The following EGFR variants were observed in gnomAD, a reference collection of about 807,000 sequenced individuals.
EGFR encodes epidermal growth factor receptor.
A neutral mutation model predicts 143.0 loss-of-function variants in EGFR; 58 were observed. That is an observed-to-expected ratio of 0.41 (90% confidence interval 0.33 to 0.50). The LOEUF is 0.50. Ranked by LOEUF, EGFR falls within the 20% of genes least tolerant of loss-of-function variation. EGFR has a pLI of 0.39. For synonymous variants in EGFR, 613 were observed against 594.4 expected, an observed-to-expected ratio of 1.03 and a Z score of -0.45; for missense variants, 1,307 against 1,579.0, an observed-to-expected ratio of 0.83 and a Z score of 2.92.
chr7:55,138,023 T>C (rs1296740128), intron 1 of EGFR, among the ~76,000 whole-genome samples: 1 of 152,222 alleles, frequency 6.6e-6, no homozygotes, highest in Admixed American at 6.5e-5. Context: ...TGGTTAGTGA[T>C]ATACCAATGT....
At chr7:55,203,418 C>A (rs1787951479) in intron 27 of EGFR, among the ~76,000 whole-genome samples, 1 of 100,586 alleles carries the variant, frequency 9.9e-6, no homozygotes, top group Non-Finnish European at 2.0e-5. Context: ...GTACACACAA[C>A]ACACAACACA....
intron 1 of EGFR, among the ~76,000 whole-genome samples, chr7:55,051,415 A>C (rs1055560925): frequency 7.9e-5 from 12 of 151,920 alleles, no homozygotes; most frequent in Admixed American, 2.6e-4. Context: ...TGGGTTAGCT[A>C]TTGTGAGAGT....
chr7:55,157,407 A>C (rs547636134), intron 10 of EGFR, among the ~76,000 whole-genome samples: 14 of 152,136 alleles, frequency 9.2e-5, no homozygotes, highest in African/African-American at 3.4e-4. Flanking sequence ...CAGGGGTCTC[A>C]GGGCCACAGC....
chr7:55,133,891 T>C (rs1393306636), intron 1 of EGFR, among the ~76,000 whole-genome samples: 1 of 152,204 alleles, frequency 6.6e-6, no homozygotes, highest in African/African-American at 2.4e-5. Flanking sequence ...AGTGGTATTA[T>C]TCAGTTCAAA....
rs980233127 is a variant in EGFR, at chr7:55,147,374, C to G, written c.559+634C>G. Among the ~76,000 whole-genome samples the G allele has an allele frequency of 1.7e-4, 26 of 152,352 alleles. No individual in the cohort carries two copies. The East Asian group carries it at 5.0e-3, about 29-fold the overall frequency. On this transcript the variant is annotated intron_variant, in intron 4 of 27. Coordinates refer to ENST00000275493, the MANE Select transcript of EGFR (RefSeq NM_005228.5). The stretch of plus-strand genomic sequence containing the variant: ...CTCTGAGACGCAAGCTCACACTCAC[C>G]CAGCTCCCCTGGGCTGCGCCCGTTC...
chr7:55,166,251 A>C (rs1235958728), intron 15 of EGFR: 1 of 559,022 alleles, frequency 1.8e-6, no homozygotes, highest in Admixed American at 2.1e-5. Context: ...CTGTCAATCA[A>C]ACTGGATCCC....
chr7:55,109,888 G>T, intron 1 of EGFR: 1 of 985,620 alleles, frequency 1.0e-6, no homozygotes. Flanking sequence ...CTGCTGGCTG[G>T]TTGTGCATTT....
chr7:55,035,284 G>C (rs1438599266), intron 1 of EGFR, among the ~76,000 whole-genome samples: 1 of 151,956 alleles, frequency 6.6e-6, no homozygotes, highest in East Asian at 1.9e-4. Context: ...TTATTTATTT[G>C]GACTTAATAT....
At position 55,173,699 on chromosome 7, in the gene EGFR, G is replaced by A. The variant is rs950852603; in HGVS notation, c.2062-222G>A. Among the ~76,000 whole-genome samples, 3 of 152,378 alleles carry A rather than the reference G, an allele frequency of 2.0e-5. No individual in the cohort carries two copies. The South Asian group carries it at 6.2e-4, about 32-fold the overall frequency. ...GTGTTTGTTGAAAGGTAGCTGTTCA[G>A]TTAAAGAACACCTGTATCAGAGCCT... On this transcript the variant is annotated intron_variant, in intron 17 of 27. Coordinates refer to ENST00000275493, the MANE Select transcript of EGFR (RefSeq NM_005228.5).
At position 55,171,248 on chromosome 7, in the gene EGFR, G is replaced by A. The variant is rs17290246; in HGVS notation, c.1919+35G>A. 8.5e-3 allele frequency: 13,735 copies of A among 1,613,758 alleles called. 106 individuals carry two copies. The highest frequency in any genetic ancestry group is 9.7e-3 in the Middle Eastern group (59 of 6,060). On this transcript the variant is annotated intron_variant, in intron 16 of 27. Coordinates refer to ENST00000275493, the MANE Select transcript of EGFR (RefSeq NM_005228.5). ...CACAGCTCTGTGTCACATGGACCTC[G>A]TCAAGAATGACCACACTGCTGTGGG...
chr7:55,097,742 C>T (rs1163275806), intron 1 of EGFR, among the ~76,000 whole-genome samples: 1 of 152,042 alleles, frequency 6.6e-6, no homozygotes, highest in Non-Finnish European at 1.5e-5. Context: ...TGCCATGGAG[C>T]ATGTTGTGCC....
At chr7:55,172,221 C>T (rs140455662) in intron 16 of EGFR, among the ~76,000 whole-genome samples, 155 of 152,306 alleles carry the variant, frequency 1.0e-3, no homozygotes, top group South Asian at 3.5e-3. Flanking sequence ...CCTGTTCACC[C>T]GCCCTTACTC....
chr7:55,194,416 C>A (rs1057055401), intron 22 of EGFR, among the ~76,000 whole-genome samples: 3 of 151,962 alleles, frequency 2.0e-5, no homozygotes, highest in Admixed American at 2.0e-4. Context: ...CTAGTTGAGA[C>A]AGGGTTTCAC....
chr7:55,114,069 A>G (rs1175492599), intron 1 of EGFR, among the ~76,000 whole-genome samples: 2 of 152,242 alleles, frequency 1.3e-5, no homozygotes, highest in Non-Finnish European at 1.5e-5. Context: ...CACAGCCTCA[A>G]TGTAAAAAGT....
intron 1 of EGFR, among the ~76,000 whole-genome samples, chr7:55,081,727 T>TC (rs1790473312): frequency 7.2e-6 from 1 of 138,516 alleles, no homozygotes; most frequent in Non-Finnish European, 1.7e-5. Context: ...CTGGTTTTTT[T>TC]TTTTTTATTT....
intron 17 of EGFR, 98 bp from the exon 18 acceptor site, chr7:55,173,823 C>T (rs960635931): frequency 1.5e-5 from 24 of 1,598,418 alleles, no homozygotes; most frequent in South Asian, 1.2e-4. Context: ...AAGCCCATGC[C>T]GTGGCTGCTG....
rs1370686210 is a variant in EGFR at position 55,209,470 on chromosome 7, A to G, written c.*3853A>G. ...CCTCTGCATTCTCTAAGTAAGTTAT[A>G]GAAACCAGTCTCTTCCCTCCTTTGT... is the stretch of plus-strand genomic sequence containing the variant. On this transcript the variant is annotated 3_prime_UTR_variant, in exon 28 of 28. Coordinates refer to ENST00000275493, the MANE Select transcript of EGFR (RefSeq NM_005228.5). 1 of 152,248 alleles carries G rather than the reference A, an allele frequency of 6.6e-6. No individual in the cohort carries two copies. The highest frequency in any genetic ancestry group is 1.5e-5 in the Non-Finnish European group (1 of 68,046). The allele number at this position is 152,248 out of a possible 1,614,324, so 9.4% of individuals were successfully genotyped here.
intron 13 of EGFR, among the ~76,000 whole-genome samples, chr7:55,162,357 T>C (rs964866805): frequency 1.3e-5 from 2 of 152,260 alleles, no homozygotes; most frequent in African/African-American, 2.4e-5. Flanking sequence ...TAGGAATTCT[T>C]CCTGTTTTAC....
chr7:55,049,338 T>C (rs577516225), intron 1 of EGFR, among the ~76,000 whole-genome samples: 7 of 152,266 alleles, frequency 4.6e-5, no homozygotes, highest in African/African-American at 1.7e-4. Context: ...CCCCAACTCA[T>C]TTCATTACCA....
Sources: allele counts gnomAD v4.1 joint callset (sites outside exome capture counted in the v4.1 genomes callset), GRCh38; gene constraint gnomAD v4.1.1; transcripts MANE v1.5; gene names NCBI Gene and HGNC (gene_info 2026-07-23, HGNC 2026-07-21).